The following SCAPER variants were observed in gnomAD, a reference collection of about 807,000 sequenced individuals.
The protein encoded by SCAPER is S phase cyclin A-associated protein in the endoplasmic reticulum.
Under a neutral mutation model 182.2 loss-of-function variants are expected in SCAPER, and 98 were observed. The observed-to-expected ratio is 0.54, with a 90% CI of 0.46 to 0.64. SCAPER has a LOEUF of 0.64. Ranked by LOEUF, SCAPER falls within the 30% of genes least tolerant of loss-of-function variation. The pLI, the probability that SCAPER is intolerant of heterozygous loss-of-function variation, is 0.00. For synonymous variants in SCAPER, 605 were observed against 564.6 expected (o/e 1.07, Z -1.01); for missense variants, 1,432 against 1,690.0 (o/e 0.85, Z 2.68).
At chr15:76,770,624 A>G (rs1199207143) in intron 10 of SCAPER, among the ~76,000 whole-genome samples, 1 of 152,200 alleles carries the variant, frequency 6.6e-6, no homozygotes, top group Non-Finnish European at 1.5e-5. Flanking sequence ...TGATGAAAAT[A>G]AAAATAATGA....
chr15:76,409,571 A>G (rs2045129079), intron 26 of SCAPER, among the ~76,000 whole-genome samples: 1 of 151,976 alleles, frequency 6.6e-6, no homozygotes, highest in Admixed American at 6.6e-5. Flanking sequence ...AAACTTCACC[A>G]TTAGGTAATA....
intron 20 of SCAPER, among the ~76,000 whole-genome samples, chr15:76,669,868 A>G (rs2146834952): frequency 6.6e-6 from 1 of 152,322 alleles, no homozygotes; most frequent in South Asian, 2.1e-4. Flanking sequence ...CAGTTTTGTG[A>G]AAGATCCAAA....
chr15:76,539,327 A>C (rs1379500277), intron 23 of SCAPER, among the ~76,000 whole-genome samples: 2 of 152,170 alleles, frequency 1.3e-5, no homozygotes, highest in Non-Finnish European at 2.9e-5. Context: ...TAGAACTCCC[A>C]AGAAGAGAAT....
intron 17 of SCAPER, among the ~76,000 whole-genome samples, chr15:76,715,963 A>G (rs1296199195): frequency 6.6e-6 from 1 of 152,124 alleles, no homozygotes; most frequent in Non-Finnish European, 1.5e-5. Flanking sequence ...CTAAGCCCAG[A>G]AACTTGGCTC....
At chr15:76,818,539 A>G (rs1396501291) in intron 5 of SCAPER, among the ~76,000 whole-genome samples, 1 of 152,218 alleles carries the variant, frequency 6.6e-6, no homozygotes, top group African/African-American at 2.4e-5. Context: ...AATATTTGCA[A>G]AAGACATACA....
At chr15:76,701,937 C>T (rs1043347448) in intron 19 of SCAPER, 72 bp from the exon 20 acceptor site, 3 of 1,037,654 alleles carry the variant, frequency 2.9e-6, no homozygotes, top group African/African-American at 3.2e-5. Flanking sequence ...ACATTCAGTC[C>T]AGTATATGAT....
intron 1 of SCAPER, 44 bp downstream of exon 1, chr15:76,905,255 A>G: frequency 5.2e-6 from 1 of 192,812 alleles, no homozygotes; most frequent in South Asian, 5.6e-5. Flanking sequence ...CCCAACCCGG[A>G]CCCGCCCGGG....
intron 21 of SCAPER, among the ~76,000 whole-genome samples, chr15:76,632,043 G>C (rs936805921): frequency 6.6e-6 from 1 of 152,042 alleles, no homozygotes; most frequent in Non-Finnish European, 1.5e-5. Context: ...CAGTCTTCAA[G>C]TTCTGATATC....
chr15:76,449,438 G>A (rs1186921229), intron 25 of SCAPER, among the ~76,000 whole-genome samples: 1 of 152,158 alleles, frequency 6.6e-6, no homozygotes, highest in Non-Finnish European at 1.5e-5. Context: ...GTAAATATTG[G>A]CTTAAGGTGT....
At chr15:76,505,776 A>T (rs935776165) in intron 23 of SCAPER, among the ~76,000 whole-genome samples, 2 of 152,214 alleles carry the variant, frequency 1.3e-5, no homozygotes, top group Non-Finnish European at 2.9e-5. Flanking sequence ...CATATATCTA[A>T]GAGATATCTG....
At chr15:76,705,566 CA>C (rs1167914214) in intron 18 of SCAPER, among the ~76,000 whole-genome samples, 1 of 147,588 alleles carries the variant, frequency 6.8e-6, no homozygotes, top group Non-Finnish European at 1.5e-5. Flanking sequence ...AAAAAGGACA[CA>C]AGAAGATGGC....
chr15:76,630,452 C>G (rs1233866175), intron 21 of SCAPER, among the ~76,000 whole-genome samples: 3 of 152,134 alleles, frequency 2.0e-5, no homozygotes, highest in Non-Finnish European at 4.4e-5. Context: ...ATAAATTTGC[C>G]TCTTAACATT....
chr15:76,559,201 A>ATTTTTTTTT (rs58642207), intron 23 of SCAPER, among the ~76,000 whole-genome samples: 2 of 121,822 alleles, frequency 1.6e-5, no homozygotes, highest in African/African-American at 3.8e-5. Context: ...CACCCAGCTA[A>ATTTTTTTTT]TTTTTTTTTT....
At chr15:76,734,064 T>C (rs1382419011) in intron 15 of SCAPER, among the ~76,000 whole-genome samples, 2 of 152,154 alleles carry the variant, frequency 1.3e-5, no homozygotes, top group Non-Finnish European at 2.9e-5. Flanking sequence ...AACATTGAAA[T>C]AGGTATGCTC....
chr15:76,574,283 G>A lies in SCAPER; in HGVS notation c.2713C>T (p.Leu905Phe), dbSNP rs2047662294. 6.2e-7 allele frequency: 1 copy of A among 1,610,628 alleles called. No individual in the cohort carries two copies. The highest frequency in any genetic ancestry group is 8.5e-7 in the Non-Finnish European group (1 of 1,178,260). ...AGAAGATCTTTGGCTAATCGCTGAAGCCTTTAATACCAAATGAAAGGAAAG... is the reference window on the plus strand; with the variant it reads ...AGAAGATCTTTGGCTAATCGCTGAAACCTTTAATACCAAATGAAAGGAAAG... ...SGSDSPYKAK[L>F]QRLAKDLLKQ... Residue 905 changes from leucine (L) to phenylalanine (F), a missense_variant and splice_region_variant, in exon 23 of 32, where the codon CTT becomes TTT. Coordinates refer to ENST00000563290, the MANE Select transcript of SCAPER (RefSeq NM_020843.4).
At chr15:76,352,033 A>G (rs1448048816) in intron 30 of SCAPER, among the ~76,000 whole-genome samples, 2 of 152,190 alleles carry the variant, frequency 1.3e-5, no homozygotes, top group Admixed American at 1.3e-4. Context: ...TTAGATCCTG[A>G]TATCATTTGT....
intron 27 of SCAPER, among the ~76,000 whole-genome samples, chr15:76,384,319 C>T (rs1466513807): frequency 1.3e-5 from 2 of 152,192 alleles, no homozygotes; most frequent in Non-Finnish European, 2.9e-5. Context: ...AACTGATTAT[C>T]AGCATATTCT....
At chr15:76,727,802 T>A (rs2060679587) in intron 17 of SCAPER, among the ~76,000 whole-genome samples, 1 of 151,818 alleles carries the variant, frequency 6.6e-6, no homozygotes, top group African/African-American at 2.4e-5. Flanking sequence ...TTGCAATATA[T>A]GTAACTAACA....
intron 23 of SCAPER, among the ~76,000 whole-genome samples, chr15:76,534,751 T>G (rs1315224624): frequency 6.6e-6 from 1 of 152,188 alleles, no homozygotes; most frequent in Non-Finnish European, 1.5e-5. Flanking sequence ...TCAAGATATC[T>G]TTTAAATTAA....
Sources: gnomAD v4.1 joint callset for allele counts (sites outside exome capture counted in the v4.1 genomes callset) on GRCh38, gnomAD v4.1.1 for gene constraint, MANE v1.5 for transcripts, NCBI Gene and HGNC (gene_info 2026-07-23, HGNC 2026-07-21) for gene names.